Variants in CTNNA2 observed in about 807,000 individuals in gnomAD.
CTNNA2 encodes catenin alpha-2.
In CTNNA2, 42 loss-of-function variants were observed where a neutral mutation model predicts 101.0. That is an observed-to-expected ratio of 0.42 (90% CI 0.32 to 0.54). The LOEUF (loss-of-function observed/expected upper bound fraction) is 0.54. CTNNA2 is among the 20% of genes least tolerant of loss of function. The pLI is 0.14. For missense variants in CTNNA2, 871 were observed against 1,223.1 expected, an observed-to-expected ratio of 0.71 and a Z score of 4.29; for synonymous variants, 450 against 456.4, an observed-to-expected ratio of 0.99 and a Z score of 0.18.
At chr2:80,210,541 ACTC>A (rs1707820748) in intron 7 of CTNNA2, among the ~76,000 whole-genome samples, 1 of 152,052 alleles carries the variant, frequency 6.6e-6, no homozygotes, top group South Asian at 2.1e-4. Context: ...AAGGACATGA[ACTC>A]ATCCTTTTTT....
intron 6 of CTNNA2, among the ~76,000 whole-genome samples, chr2:79,903,054 CCTGA>C (rs1685172912): frequency 2.0e-5 from 3 of 152,090 alleles, no homozygotes; most frequent in African/African-American, 4.8e-5. Context: ...AATGAATGAG[CCTGA>C]CTGTGTTCTA....
intron 2 of CTNNA2, among the ~76,000 whole-genome samples, chr2:79,217,512 A>T (rs1674282517): frequency 6.6e-6 from 1 of 152,154 alleles, no homozygotes; most frequent in African/African-American, 2.4e-5. Flanking sequence ...TGGGGGCCAC[A>T]AGGTGCTCAG....
At chr2:80,325,936 A>G (rs1451931490) in intron 7 of CTNNA2, among the ~76,000 whole-genome samples, 1 of 152,182 alleles carries the variant, frequency 6.6e-6, no homozygotes, top group Non-Finnish European at 1.5e-5. Flanking sequence ...GGGCAAACAG[A>G]TTATCAACCC....
At chr2:79,464,297 C>A (rs1669060) in intron 4 of CTNNA2, among the ~76,000 whole-genome samples, 1 of 151,876 alleles carries the variant, frequency 6.6e-6, no homozygotes, top group Admixed American at 6.6e-5. Context: ...TCCATCTCCC[C>A]GCAAAGGACA....
intron 2 of CTNNA2, among the ~76,000 whole-genome samples, chr2:79,671,661 C>T (rs1354774213): frequency 6.6e-6 from 1 of 152,194 alleles, no homozygotes; most frequent in East Asian, 1.9e-4. Context: ...CCTCTTACTG[C>T]TCGGCAAATA....
intron 1 of CTNNA2, among the ~76,000 whole-genome samples, chr2:79,578,194 G>A (rs1251488005): frequency 6.6e-6 from 1 of 152,034 alleles, no homozygotes; most frequent in African/African-American, 2.4e-5. Context: ...CTCTGTAAAT[G>A]TCCTGTTTAG....
chr2:79,305,294 G>GTA (rs112289713), intron 2 of CTNNA2, among the ~76,000 whole-genome samples: 2 of 147,866 alleles, frequency 1.4e-5, no homozygotes, highest in Admixed American at 6.8e-5. Flanking sequence ...ACGTGTGTGT[G>GTA]TATATATATA....
At chr2:79,481,707 C>T (rs1295943580) in intron 4 of CTNNA2, among the ~76,000 whole-genome samples, 1 of 152,084 alleles carries the variant, frequency 6.6e-6, no homozygotes, top group Non-Finnish European at 1.5e-5. Flanking sequence ...CCAAACTCAT[C>T]AAGTTGTATA....
intron 2 of CTNNA2, among the ~76,000 whole-genome samples, chr2:79,732,963 C>G (rs1285672365): frequency 1.3e-5 from 2 of 152,110 alleles, no homozygotes; most frequent in Admixed American, 6.6e-5. Flanking sequence ...ACACACAGCA[C>G]TCACTGATGC....
intron 9 of CTNNA2, among the ~76,000 whole-genome samples, chr2:80,543,997 C>T (rs1196982075): frequency 6.6e-6 from 1 of 152,130 alleles, no homozygotes; most frequent in East Asian, 1.9e-4. Context: ...ACTGATTGGT[C>T]TTTTGATGGT....
intron 1 of CTNNA2, among the ~76,000 whole-genome samples, chr2:79,595,204 C>G (rs1269508658): frequency 6.6e-6 from 1 of 152,306 alleles, no homozygotes; most frequent in East Asian, 1.9e-4. Context: ...TTAGCCTTGT[C>G]TTTTTTCATA....
At chr2:79,764,712 G>A (rs1449272128) in intron 3 of CTNNA2, among the ~76,000 whole-genome samples, 1 of 152,144 alleles carries the variant, frequency 6.6e-6, no homozygotes, top group Non-Finnish European at 1.5e-5. Context: ...TAAGTGAGTG[G>A]CTTAGACACC....
chr2:79,912,298 A>T (rs1685856304), intron 7 of CTNNA2, among the ~76,000 whole-genome samples: 1 of 152,230 alleles, frequency 6.6e-6, no homozygotes, highest in Non-Finnish European at 1.5e-5. Context: ...TATGACACAG[A>T]GGGAGACAGA....
intron 4 of CTNNA2, among the ~76,000 whole-genome samples, chr2:79,860,826 C>T (rs1249798940): frequency 6.6e-6 from 1 of 152,056 alleles, no homozygotes; most frequent in Admixed American, 6.6e-5. Flanking sequence ...GTCAATAATT[C>T]ATTGCAAACA....
chr2:79,396,913 G>T (rs1472416830), intron 4 of CTNNA2, among the ~76,000 whole-genome samples: 1 of 152,118 alleles, frequency 6.6e-6, no homozygotes, highest in East Asian at 1.9e-4. Flanking sequence ...GATGTAATTT[G>T]TTATAGCAGT....
At chr2:79,331,749 C>G (rs1676877666) in intron 3 of CTNNA2, among the ~76,000 whole-genome samples, 1 of 152,094 alleles carries the variant, frequency 6.6e-6, no homozygotes, top group Admixed American at 6.6e-5. Flanking sequence ...ATCCACAACC[C>G]TACATATAAA....
intron 6 of CTNNA2, among the ~76,000 whole-genome samples, chr2:79,875,429 C>G (rs1682945037): frequency 1.3e-5 from 2 of 151,990 alleles, no homozygotes; most frequent in South Asian, 4.2e-4. Flanking sequence ...TGATAAAACA[C>G]AATGTTACAG....
chr2:79,372,369 C>T (rs569117781), intron 3 of CTNNA2, among the ~76,000 whole-genome samples: 2 of 152,248 alleles, frequency 1.3e-5, no homozygotes, highest in African/African-American at 4.8e-5. Context: ...TTTAACCCTG[C>T]GCTCCAGGAA....
intron 18 of CTNNA2, among the ~76,000 whole-genome samples, chr2:80,620,163 T>A (rs1442373069): frequency 1.3e-5 from 2 of 151,970 alleles, no homozygotes; most frequent in Admixed American, 6.6e-5. Flanking sequence ...ACCACCAGAA[T>A]GTGAAACCCT....
Sources: allele counts gnomAD v4.1 joint callset (sites outside exome capture counted in the v4.1 genomes callset), GRCh38; gene constraint gnomAD v4.1.1; transcripts MANE v1.5; gene names NCBI Gene and HGNC (gene_info 2026-07-23, HGNC 2026-07-21).